Variants in MDN1 observed in about 807,000 individuals in gnomAD.
MDN1 encodes midasin.
MDN1 carries 266 observed loss-of-function variants against 669.2 expected under a neutral mutation model. The observed-to-expected ratio is 0.40, with a 90% confidence interval of 0.36 to 0.44. The LOEUF is 0.44. Ranked by LOEUF, MDN1 falls within the 20% of genes least tolerant of loss-of-function variation. The probability of loss-of-function intolerance (pLI) is 1.00; values close to 1 mark genes in which losing one functional copy is unlikely to be tolerated. For missense variants in MDN1, 5,940 were observed against 6,754.0 expected, an observed-to-expected ratio of 0.88 and a Z score of 4.22; for synonymous variants, 2,385 against 2,457.1, an observed-to-expected ratio of 0.97 and a Z score of 0.87.
chr6:89,789,086 T>C (rs896141858), intron 7 of MDN1, among the ~76,000 whole-genome samples: 3 of 151,390 alleles, frequency 2.0e-5, no homozygotes, highest in Non-Finnish European at 2.9e-5. Flanking sequence ...ATCGTGCTAC[T>C]GCACTCCAGC....
chr6:89,677,150 G>C (rs990780893), intron 76 of MDN1, among the ~76,000 whole-genome samples: 1 of 151,792 alleles, frequency 6.6e-6, no homozygotes, highest in Non-Finnish European at 1.5e-5. Flanking sequence ...GGAGTGCAGT[G>C]GTGTAATCTC....
chr6:89,675,815 A>G, intron 77 of MDN1: 2 of 565,930 alleles, frequency 3.5e-6, no homozygotes, highest in Admixed American at 3.4e-5. Flanking sequence ...CTCAATTCAC[A>G]AAGGGAAGAA....
At position 89,754,087 on chromosome 6, in the gene MDN1, T is replaced by C. The variant is rs372414732; in HGVS notation, c.2960A>G (p.Tyr987Cys). 19 of 1,613,602 alleles carry C rather than the reference T, an allele frequency of 1.2e-5. No homozygotes were observed. The highest frequency in any genetic ancestry group is 4.0e-5 in the African/African-American group (3 of 74,836). Residue 987 changes from tyrosine to cysteine, a missense_variant, in exon 21 of 102, where the codon TAT becomes TGT. This residue lies in a region of MDN1 where 1,203 missense variants were observed against 1,268.9 expected (regional missense o/e 0.95). Coordinates refer to ENST00000369393, the MANE Select transcript of MDN1 (RefSeq NM_014611.3). The stretch of plus-strand genomic sequence containing the variant: ...TCAAAGAGACTTCAGAAAGACCTCA[T>C]AGAGTGAGCGCTGAATGTTGCCACA... ...NPCGNIQRSL[Y>C]EGFCLGFLTQ...
intron 73 of MDN1, among the ~76,000 whole-genome samples, chr6:89,682,726 A>T (rs1358714617): frequency 8.2e-6 from 1 of 121,978 alleles, no homozygotes; most frequent in Non-Finnish European, 1.8e-5. Context: ...AAAAAAAAAA[A>T]ACTAAAAGTT....
chr6:89,647,425 G>A (rs1240974933), intron 99 of MDN1, among the ~76,000 whole-genome samples: 4 of 152,294 alleles, frequency 2.6e-5, no homozygotes, highest in Admixed American at 2.0e-4. Context: ...TAATGAGGGA[G>A]AAAAATAGGT....
chr6:89,747,812 A>G (rs1303213314), intron 26 of MDN1, among the ~76,000 whole-genome samples: 1 of 148,722 alleles, frequency 6.7e-6, no homozygotes, highest in African/African-American at 2.5e-5. Flanking sequence ...AACCGCATGA[A>G]CCCGGGAGGG....
chr6:89,711,348 C>A (rs935172753), intron 49 of MDN1, among the ~76,000 whole-genome samples: 1 of 151,838 alleles, frequency 6.6e-6, no homozygotes, highest in African/African-American at 2.4e-5. Flanking sequence ...TTTAAAAAAA[C>A]AAAAAATAAA....
At chr6:89,649,910 G>T in intron 97 of MDN1, 114 bp downstream of exon 97, 2 of 1,079,534 alleles carry the variant, frequency 1.9e-6, no homozygotes. Flanking sequence ...AAATGTTTTA[G>T]CCATATCATA....
chr6:89,661,610 T>C, intron 87 of MDN1, 32 bp from the exon 88 acceptor site: 1 of 1,570,854 alleles, frequency 6.4e-7, no homozygotes, highest in African/African-American at 1.4e-5. Context: ...AGGGATAAAA[T>C]AAAAATACAA....
At chr6:89,810,749 G>A (rs1768362887) in intron 1 of MDN1, among the ~76,000 whole-genome samples, 1 of 152,132 alleles carries the variant, frequency 6.6e-6, no homozygotes, top group Non-Finnish European at 1.5e-5. Flanking sequence ...TGTAATTCCA[G>A]CACTCTCGGA....
intron 33 of MDN1, among the ~76,000 whole-genome samples, chr6:89,737,579 T>C (rs1274106624): frequency 6.6e-6 from 1 of 152,152 alleles, no homozygotes; most frequent in Non-Finnish European, 1.5e-5. Context: ...TTGGATATTT[T>C]AAATTGTTAA....
chr6:89,736,369 G>A (rs1237741053), intron 33 of MDN1, among the ~76,000 whole-genome samples: 1 of 152,192 alleles, frequency 6.6e-6, no homozygotes, highest in East Asian at 1.9e-4. Flanking sequence ...TGAACCCTCT[G>A]TCATTCTTAT....
Position 89,643,765 on chromosome 6 carries a change from A to C in MDN1, c.*240T>G. On this transcript the variant is annotated 3_prime_UTR_variant, in exon 102 of 102. Transcript: ENST00000369393. ...CAGGCCAGGGCTTCCAAGGCAGGGA[A>C]GAAGGATAACTCTTCTCTAGTTACG... 2 of 371,806 alleles carry C rather than the reference A, an allele frequency of 5.4e-6. No individual in the cohort carries two copies. The highest frequency in any genetic ancestry group is 4.8e-6 in the Non-Finnish European group (1 of 208,624). 23.0% of individuals were successfully genotyped at this position (371,806 alleles called of 1,614,324 possible).
At chr6:89,726,523 C>T (rs1357030235) in intron 37 of MDN1, among the ~76,000 whole-genome samples, 2 of 143,046 alleles carry the variant, frequency 1.4e-5, no homozygotes, top group African/African-American at 2.6e-5. Flanking sequence ...AGACATGTAA[C>T]ACTAATTGTA....
intron 32 of MDN1, among the ~76,000 whole-genome samples, 192 bp downstream of exon 32, chr6:89,740,042 A>T (rs1004018414): frequency 2.6e-5 from 4 of 152,254 alleles, no homozygotes; most frequent in Admixed American, 6.5e-5. Flanking sequence ...TGAGATATCA[A>T]ATAAGGAGAT....
At chr6:89,807,091 TTTTTA>T (rs140469617) in intron 1 of MDN1, among the ~76,000 whole-genome samples, 5,817 of 152,192 alleles carry the variant, frequency 0.038, 189 homozygotes, top group Non-Finnish European at 0.052. Context: ...ATTGTTTTGT[TTTTTA>T]TTTTATTTTT....
chr6:89,761,787 T>C, intron 16 of MDN1, 39 bp from the exon 17 acceptor site: 1 of 1,374,246 alleles, frequency 7.3e-7, no homozygotes, highest in Non-Finnish European at 1.0e-6. Flanking sequence ...ACATTTTGAA[T>C]TGTAATATAT....
chr6:89,801,723 G>A (rs183324634), intron 2 of MDN1, among the ~76,000 whole-genome samples: 3 of 151,640 alleles, frequency 2.0e-5, no homozygotes, highest in Admixed American at 1.3e-4. Flanking sequence ...TGAACCGGGA[G>A]GCAGAGGCTG....
chr6:89,680,459 T>G (rs183588020), intron 74 of MDN1, 130 bp downstream of exon 74: 4 of 1,111,046 alleles, frequency 3.6e-6, no homozygotes, highest in Non-Finnish European at 4.9e-6. Flanking sequence ...TTAAGCCCAC[T>G]TGCTTATTCA....
Sources: allele counts gnomAD v4.1 joint callset (sites outside exome capture counted in the v4.1 genomes callset), GRCh38; gene constraint gnomAD v4.1.1; regional missense constraint gnomAD v4.1.1; transcripts MANE v1.5; gene names NCBI Gene and HGNC (gene_info 2026-07-23, HGNC 2026-07-21).